The following WDPCP variants were observed in gnomAD, a reference collection of about 807,000 sequenced individuals.
The protein encoded by WDPCP is WD repeat containing planar cell polarity effector, also known as WD repeat-containing and planar cell polarity effector protein fritz homolog.
In WDPCP, 71 loss-of-function variants were observed where a neutral mutation model predicts 93.1. The ratio of observed to expected loss-of-function variants is 0.76; its 90% confidence interval spans 0.63 to 0.93. WDPCP has a LOEUF of 0.93. Among genes scored for constraint, WDPCP ranks in the 40% least tolerant of loss-of-function variants. The probability of loss-of-function intolerance (pLI) is 0.00; values close to 1 mark genes in which losing one functional copy is unlikely to be tolerated. For missense variants in WDPCP, 844 were observed against 887.4 expected (o/e 0.95, Z 0.62); for synonymous variants, 315 against 315.0 (o/e 1.00, Z 0.00).
intron 13 of WDPCP, among the ~76,000 whole-genome samples, chr2:63,302,032 G>T (rs190980513): frequency 6.6e-6 from 1 of 152,256 alleles, no homozygotes; most frequent in Admixed American, 6.5e-5. Flanking sequence ...TCCAAAATTA[G>T]AGAAGCAACT....
intron 16 of WDPCP, 124 bp downstream of exon 16, chr2:63,153,371 G>T: frequency 1.4e-6 from 1 of 717,344 alleles, no homozygotes; most frequent in Non-Finnish European, 2.3e-6. Flanking sequence ...ATGACAAGCA[G>T]TCTTATACCA....
intron 1 of WDPCP, among the ~76,000 whole-genome samples, chr2:63,580,937 T>G (rs965316887): frequency 1.3e-5 from 2 of 152,118 alleles, no homozygotes; most frequent in African/African-American, 4.8e-5. Context: ...GGGGATAGTG[T>G]GGTGGGAACA....
chr2:63,837,917 A>G, the WDPCP span, among the ~76,000 whole-genome samples: 1 of 152,146 alleles, frequency 6.6e-6, no homozygotes, highest in Non-Finnish European at 1.5e-5. Flanking sequence ...AAGCCTGGCC[A>G]ACACGCCGAA....
At chr2:63,243,224 C>A (rs1351687798) in intron 14 of WDPCP, among the ~76,000 whole-genome samples, 2 of 152,158 alleles carry the variant, frequency 1.3e-5, no homozygotes, top group East Asian at 3.8e-4. Context: ...TTTCCTCACA[C>A]AAATGGCTGG....
chr2:63,592,301 C>T (rs2106598324), upstream of WDPCP, among the ~76,000 whole-genome samples: 1 of 152,290 alleles, frequency 6.6e-6, no homozygotes. Context: ...TTCCAGTTTT[C>T]TCAATACATA....
chr2:63,451,922 G>C (rs1401320617), intron 6 of WDPCP, among the ~76,000 whole-genome samples: 1 of 152,140 alleles, frequency 6.6e-6, no homozygotes, highest in Admixed American at 6.6e-5. Flanking sequence ...CAATAAATTA[G>C]GTATTGATGG....
chr2:63,443,131 T>C (rs1266194171), intron 6 of WDPCP: 2 of 152,090 alleles, frequency 1.3e-5, no homozygotes, highest in African/African-American at 4.8e-5. Context: ...AAAATATATA[T>C]ATTTAGTATA....
At chr2:63,204,528 G>C (rs998574790) in intron 14 of WDPCP, among the ~76,000 whole-genome samples, 1 of 151,806 alleles carries the variant, frequency 6.6e-6, no homozygotes, top group African/African-American at 2.4e-5. Context: ...TTTTAGTTGA[G>C]TCGGGGTTTC....
chr2:63,597,540 C>A, intron 3 of WDPCP: 1 of 1,477,664 alleles, frequency 6.8e-7, no homozygotes, highest in Middle Eastern at 1.8e-4. Flanking sequence ...TCCCAGGGTG[C>A]AGCCTTAGAT....
chr2:63,130,204 C>T (rs1670201674), intron 17 of WDPCP, among the ~76,000 whole-genome samples: 1 of 152,116 alleles, frequency 6.6e-6, no homozygotes, highest in African/African-American at 2.4e-5. Context: ...TTCAATGCTA[C>T]ATTTTCTCCT....
intron 13 of WDPCP, among the ~76,000 whole-genome samples, chr2:63,305,389 G>T (rs1402715653): frequency 6.6e-6 from 1 of 152,180 alleles, no homozygotes; most frequent in East Asian, 1.9e-4. Context: ...GAAGGAACAG[G>T]CAGCGATCTT....
intron 1 of WDPCP, among the ~76,000 whole-genome samples, chr2:63,530,202 C>T (rs1703718302): frequency 6.6e-6 from 1 of 152,172 alleles, no homozygotes; most frequent in African/African-American, 2.4e-5. Context: ...CTATCTCCTT[C>T]AATTCTGCTC....
intron 1 of WDPCP, among the ~76,000 whole-genome samples, chr2:63,546,041 C>T (rs1198816438): frequency 6.6e-6 from 1 of 152,010 alleles, no homozygotes; most frequent in East Asian, 1.9e-4. Context: ...TCTCAGGATC[C>T]TAAGTCTAAC....
At chr2:63,485,680 AAT>A (rs1700534265) in intron 4 of WDPCP, among the ~76,000 whole-genome samples, 1 of 151,900 alleles carries the variant, frequency 6.6e-6, no homozygotes, top group South Asian at 2.1e-4. Flanking sequence ...ATAAATTAAA[AAT>A]AGTTCTGTTT....
intron 14 of WDPCP, among the ~76,000 whole-genome samples, chr2:63,209,340 G>A (rs1346773814): frequency 6.6e-6 from 1 of 152,120 alleles, no homozygotes; most frequent in Non-Finnish European, 1.5e-5. Context: ...TAGGAATCTT[G>A]GTCATCCATT....
intron 2 of WDPCP, among the ~76,000 whole-genome samples, chr2:63,678,059 A>C (rs1307571406): frequency 6.6e-6 from 1 of 152,214 alleles, no homozygotes; most frequent in Non-Finnish European, 1.5e-5. Context: ...TTGAAAACTA[A>C]ATAAAGCTTG....
chr2:63,366,897 A>G (rs1690953229), intron 12 of WDPCP, among the ~76,000 whole-genome samples: 2 of 152,038 alleles, frequency 1.3e-5, no homozygotes, highest in South Asian at 4.1e-4. Context: ...GTGGTTATTG[A>G]GCAAGTTATT....
chr2:63,464,469 G>A (rs1361228710), intron 6 of WDPCP, among the ~76,000 whole-genome samples: 2 of 152,106 alleles, frequency 1.3e-5, no homozygotes, highest in Non-Finnish European at 2.9e-5. Context: ...ATGAAAATCA[G>A]TATGGTGTTT....
chr2:63,575,363 ATATACAG>A (rs1453607680), intron 1 of WDPCP, among the ~76,000 whole-genome samples: 90 of 131,860 alleles, frequency 6.8e-4, no homozygotes, highest in African/African-American at 2.3e-3. Context: ...TATATACAGT[ATATACAG>A]TATATACAGT....
Sources: gnomAD v4.1 joint callset for allele counts (sites outside exome capture counted in the v4.1 genomes callset) on GRCh38, gnomAD v4.1.1 for gene constraint, MANE v1.5 for transcripts, NCBI Gene and HGNC (gene_info 2026-07-23, HGNC 2026-07-21) for gene names.